INPP5D: variants seen among roughly 807,000 people sequenced by gnomAD.
The protein encoded by INPP5D is phosphatidylinositol 3,4,5-trisphosphate 5-phosphatase 1.
In INPP5D, 33 loss-of-function variants were observed where a neutral mutation model predicts 122.9. That is an observed-to-expected ratio of 0.27 (90% CI 0.20 to 0.36). The LOEUF (loss-of-function observed/expected upper bound fraction) is 0.36, where lower values mean the gene tolerates loss of function less well. Among genes scored for constraint, INPP5D ranks in the 10% least tolerant of loss-of-function variants. INPP5D has a pLI of 1.00. For synonymous variants in INPP5D, 584 were observed against 576.2 expected, an observed-to-expected ratio of 1.01 and a Z score of -0.19; for missense variants, 1,053 against 1,412.7, an observed-to-expected ratio of 0.75 and a Z score of 4.08.
chr2:233,195,550 A>C (rs1695161266), intron 24 of INPP5D, 55 bp downstream of exon 24: 2 of 1,610,548 alleles, frequency 1.2e-6, no homozygotes, highest in East Asian at 2.2e-5. Context: ...GACTCATGAC[A>C]AATTAGCATG....
intron 3 of INPP5D, among the ~76,000 whole-genome samples, chr2:233,125,322 C>G (rs1467703596): frequency 6.6e-6 from 1 of 152,300 alleles, no homozygotes; most frequent in African/African-American, 2.4e-5. Flanking sequence ...ACCCCTGGTC[C>G]CCTTCCATGG....
chr2:233,182,307 G>A, intron 18 of INPP5D, 103 bp from the exon 19 acceptor site: 1 of 1,532,940 alleles, frequency 6.5e-7, no homozygotes, highest in Non-Finnish European at 8.8e-7. Flanking sequence ...CACTTCTGGA[G>A]GGCTCCATAA....
At chr2:233,147,207 C>G (rs1197433927) in intron 8 of INPP5D, among the ~76,000 whole-genome samples, 1 of 152,174 alleles carries the variant, frequency 6.6e-6, no homozygotes. Context: ...TCCAGCAATT[C>G]GTCTGTTTCC....
intron 2 of INPP5D, among the ~76,000 whole-genome samples, chr2:233,084,947 T>G (rs1182237826): frequency 6.6e-6 from 1 of 152,268 alleles, no homozygotes; most frequent in Non-Finnish European, 1.5e-5. Context: ...CTGCAGAATA[T>G]GGACAGATCT....
rs1483487954 is a variant in INPP5D, at chr2:233,143,387, C to T, written c.754-2775C>T. ...GGACCTGCAATTGCATTGGTGACTG[C>T]CCGGGGTGAAGGCAGGTCATTCCAA... On this transcript the variant is annotated intron_variant, in intron 6 of 26. Coordinates refer to ENST00000445964, the MANE Select transcript of INPP5D (RefSeq NM_001017915.3). Among the ~76,000 whole-genome samples, 5 of 152,228 alleles carry T rather than the reference C, an allele frequency of 3.3e-5. No homozygotes were observed. In the East Asian group the frequency reaches 5.8e-4, roughly 18 times the overall value.
chr2:233,172,893 T>G (rs576842740), intron 17 of INPP5D, among the ~76,000 whole-genome samples: 1 of 152,036 alleles, frequency 6.6e-6, no homozygotes, highest in Non-Finnish European at 1.5e-5. Flanking sequence ...ATTAAAAAGG[T>G]ACAGTAAAAA....
rs891383446 is a variant in INPP5D at position 233,100,831 on chromosome 2, C to G, written c.199-21276C>G. 6.6e-6 allele frequency among the ~76,000 whole-genome samples: 1 copy of G among 152,218 alleles called. No individual in the cohort carries two copies. Among genetic ancestry groups the G allele is most frequent in the Non-Finnish European group, 1.5e-5 (1 of 68,046 alleles). On this transcript the variant is annotated intron_variant, in intron 2 of 26. Transcript: ENST00000445964. The surrounding 1 kb of genome is among the most constrained non-coding windows in gnomAD (Gnocchi z 5.3). ...CTCACTTTTGTCACTGCACTTGCCA[C>G]CCAGAACACTGTTACTGTCCCTTTC...
At chr2:233,084,263 C>T (rs1217956097) in intron 2 of INPP5D, among the ~76,000 whole-genome samples, 1 of 152,206 alleles carries the variant, frequency 6.6e-6, no homozygotes, top group African/African-American at 2.4e-5. Flanking sequence ...CTATGTTGCC[C>T]AGGCTGGTCT....
chr2:233,072,098 A>G (rs1430542367), intron 1 of INPP5D, among the ~76,000 whole-genome samples: 1 of 152,258 alleles, frequency 6.6e-6, no homozygotes, highest in Non-Finnish European at 1.5e-5. Flanking sequence ...TACTGTGAGA[A>G]TCGCTATGGA....
chr2:233,071,972 C>A (rs1261177615), intron 1 of INPP5D, among the ~76,000 whole-genome samples: 1 of 152,184 alleles, frequency 6.6e-6, no homozygotes, highest in African/African-American at 2.4e-5. Flanking sequence ...TTGTGGTGTA[C>A]TTTCCAAATA....
In INPP5D at chr2:233,082,721, C is replaced by T. The variant is rs1242200499; in HGVS notation, c.198+3323C>T. 6.6e-6 allele frequency among the ~76,000 whole-genome samples: 1 copy of T among 152,182 alleles called. No homozygotes were observed. The highest frequency in any genetic ancestry group is 2.4e-5 in the African/African-American group (1 of 41,436). ...ACCTGGGGGACTCTTTTCTCTCACT[C>T]CATCTTTCACAGACTTAAAAAAAAT... On this transcript the variant is annotated intron_variant, in intron 2 of 26. Transcript: ENST00000445964. This position sits in a 1 kb window ranked among gnomAD's most constrained non-coding sequence, Gnocchi z 4.7.
chr2:233,068,397 A>C (rs987790854), intron 1 of INPP5D, among the ~76,000 whole-genome samples: 8 of 152,094 alleles, frequency 5.3e-5, no homozygotes, highest in African/African-American at 1.7e-4. Flanking sequence ...GTTTGAGACC[A>C]GCCTGGCCAA....
At chr2:233,138,954 C>T (rs1484534920) in intron 5 of INPP5D, among the ~76,000 whole-genome samples, 7 of 150,022 alleles carry the variant, frequency 4.7e-5, no homozygotes, top group African/African-American at 1.7e-4. Context: ...GGGGGTTTCA[C>T]CACGTTAGCC....
At chr2:233,081,092 G>T (rs9679425) in intron 2 of INPP5D, among the ~76,000 whole-genome samples, 1 of 152,160 alleles carries the variant, frequency 6.6e-6, no homozygotes, top group South Asian at 2.1e-4. Flanking sequence ...CGCAGGTTTG[G>T]CCTGGTTCTT....
intron 2 of INPP5D, among the ~76,000 whole-genome samples, chr2:233,110,728 C>T (rs998089996): frequency 2.6e-5 from 4 of 152,112 alleles, no homozygotes; most frequent in Admixed American, 6.5e-5. Flanking sequence ...TCGAGACCAG[C>T]CTGGCCAACA....
intron 2 of INPP5D, among the ~76,000 whole-genome samples, chr2:233,101,157 A>T (rs1051620447): frequency 6.6e-6 from 1 of 152,144 alleles, no homozygotes; most frequent in African/African-American, 2.4e-5. Flanking sequence ...GCCATGGTAA[A>T]CCTTGGACAA....
Position 233,146,448 on chromosome 2 carries a change from C to T in INPP5D, c.906+10C>T, listed in dbSNP as rs768271677. The T allele has an allele frequency of 1.7e-5, 12 of 703,788 alleles. No homozygotes were observed. The South Asian group carries it at 1.8e-4, about 10-fold the overall frequency. 43.6% of individuals were successfully genotyped at this position (703,788 alleles called of 1,614,324 possible). A position where few individuals can be genotyped will look rare whatever the true frequency, so the allele number is the denominator to read the frequency against. ...TCCAGTCACCTTTGAGGTAAGTGGC[C>T]ATGGGACAGCAGAGCCTGGGCTTGG... is the stretch of plus-strand genomic sequence containing the variant. On this transcript the variant is annotated intron_variant, in intron 8 of 26. Transcript: ENST00000445964.
rs1559331918 is a variant in INPP5D at position 233,170,005 on chromosome 2, G to A, written c.1653-21G>A. 9 of 1,613,976 alleles carry A rather than the reference G, an allele frequency of 5.6e-6. No individual in the cohort carries two copies. The highest frequency in any genetic ancestry group is 7.6e-6 in the Non-Finnish European group (9 of 1,179,848). On this transcript the variant is annotated intron_variant, in intron 14 of 26. Transcript: ENST00000445964. The surrounding 1 kb of genome is among the most constrained non-coding windows in gnomAD (Gnocchi z 4.5). Reference sequence around the variant, plus strand: ...GGAACCAGTGACCCCGTGCTAGATGGCCGCTTTTTCCTTGCATTAGGCGAA... The same window carrying A: ...GGAACCAGTGACCCCGTGCTAGATGACCGCTTTTTCCTTGCATTAGGCGAA...
chr2:233,089,148 C>T (rs907282217), intron 2 of INPP5D, among the ~76,000 whole-genome samples: 1 of 152,030 alleles, frequency 6.6e-6, no homozygotes, highest in African/African-American at 2.4e-5. Context: ...GCCTGGGGTC[C>T]CAACCAGGTG....
Sources: allele counts gnomAD v4.1 joint callset (sites outside exome capture counted in the v4.1 genomes callset), GRCh38; gene constraint gnomAD v4.1.1; non-coding constraint Gnocchi (gnomAD v3.1); transcripts MANE v1.5; gene names NCBI Gene and HGNC (gene_info 2026-07-23, HGNC 2026-07-21).